Variants in SLC75A1 observed in about 807,000 individuals in gnomAD.
SLC75A1 encodes the protein solute carrier family 75 member 1.
At chr4:2,932,082 C>T in the SLC75A1 span, 28 of 1,610,918 alleles carry the variant, frequency 1.7e-5, no homozygotes, top group African/African-American at 2.7e-5. Flanking sequence ...GAGCGACAGC[C>T]GAGAAGCGCA....
At chr4:2,930,580 T>C in the SLC75A1 span, 1 of 554,826 alleles carries the variant, frequency 1.8e-6, no homozygotes, top group East Asian at 3.1e-5. Flanking sequence ...AACAAACAGG[T>C]GCTTTATTTC....
the SLC75A1 span, chr4:2,931,423 C>G: frequency 6.4e-7 from 1 of 1,555,438 alleles, no homozygotes; most frequent in Non-Finnish European, 8.7e-7. Context: ...AGAGAACGTC[C>G]CCAGCCGATG....
At chr4:2,931,121 C>A in the SLC75A1 span, 8 of 1,581,402 alleles carry the variant, frequency 5.1e-6, no homozygotes, top group Non-Finnish European at 6.9e-6. Context: ...CGCAGTGTAC[C>A]CATGACCGTG....
the SLC75A1 span, chr4:2,932,381 G>A: frequency 1.2e-6 from 2 of 1,613,492 alleles, no homozygotes; most frequent in Non-Finnish European, 8.5e-7. Flanking sequence ...TCTCTGGCAG[G>A]AAGCAGAAGA....
the SLC75A1 span, chr4:2,933,855 G>A: frequency 8.2e-6 from 13 of 1,586,904 alleles, no homozygotes; most frequent in Non-Finnish European, 1.1e-5. Flanking sequence ...CGGTGACCAC[G>A]CGGCGCTCCG....
chr4:2,931,732 G>A, the SLC75A1 span: 1 of 1,543,960 alleles, frequency 6.5e-7, no homozygotes, highest in Non-Finnish European at 8.8e-7. Flanking sequence ...GGGCGAGAGT[G>A]GCTGCCAAGG....
chr4:2,930,860 G>A, the SLC75A1 span: 1 of 1,613,120 alleles, frequency 6.2e-7, no homozygotes, highest in Non-Finnish European at 8.5e-7. Context: ...GAGCGTCTGT[G>A]CCGGGTAACT....
the SLC75A1 span, chr4:2,934,181 C>A: frequency 1.8e-6 from 1 of 548,792 alleles, no homozygotes. Context: ...TCCTGAGAGA[C>A]CAGGGTGAGC....
chr4:2,934,266 A>T, the SLC75A1 span: 1 of 298,720 alleles, frequency 3.3e-6, no homozygotes, highest in South Asian at 4.9e-5. Flanking sequence ...GAAAACTTGA[A>T]GCCGCGGGGA....
At chr4:2,931,095 C>A in the SLC75A1 span, 5 of 1,595,444 alleles carry the variant, frequency 3.1e-6, no homozygotes, top group Non-Finnish European at 4.3e-6. Context: ...CGGCCCTGGC[C>A]AGAGCACCTA....
At chr4:2,933,696 G>A in the SLC75A1 span, 1 of 1,611,896 alleles carries the variant, frequency 6.2e-7, no homozygotes, top group Non-Finnish European at 8.5e-7. Context: ...AAGGGCTGGG[G>A]AGGTCTGATG....
At chr4:2,933,268 G>A in the SLC75A1 span, 1 of 1,496,250 alleles carries the variant, frequency 6.7e-7, no homozygotes, top group Non-Finnish European at 9.2e-7. Context: ...TGGTCTTGGG[G>A]CCCTCAAGGC....
chr4:2,933,004 A>G, the SLC75A1 span: 5 of 1,199,552 alleles, frequency 4.2e-6, no homozygotes, highest in South Asian at 1.4e-5. Flanking sequence ...ACCAGTGGCC[A>G]TGAGGGGCCC....
chr4:2,931,321 C>T, the SLC75A1 span: 3 of 1,545,150 alleles, frequency 1.9e-6, no homozygotes, highest in Non-Finnish European at 2.6e-6. Flanking sequence ...GGGGAGGGTG[C>T]ATCACCCAGC....
At chr4:2,930,958 G>A in the SLC75A1 span, 289 of 1,613,036 alleles carry the variant, frequency 1.8e-4, 1 homozygote, top group Middle Eastern at 1.8e-3. Context: ...AGTACACTGC[G>A]GAGAGACGGT....
the SLC75A1 span, chr4:2,933,324 A>G: frequency 2.7e-6 from 3 of 1,095,450 alleles, no homozygotes; most frequent in Non-Finnish European, 1.3e-6. Flanking sequence ...TGGGCCCTAC[A>G]CTCACAGGCC....
chr4:2,933,524 T>A, the SLC75A1 span: 1,278,597 of 1,599,002 alleles, frequency 0.8, 513,615 homozygotes, highest in Middle Eastern at 0.85. Context: ...CCACCAAACA[T>A]AGGACCGTAG....
At chr4:2,932,141 C>G in the SLC75A1 span, 2 of 1,606,636 alleles carry the variant, frequency 1.2e-6, no homozygotes, top group Non-Finnish European at 1.7e-6. Context: ...AACCCCAGGG[C>G]GATAGAGGGC....
At chr4:2,932,092 A>G in the SLC75A1 span, 1 of 1,610,510 alleles carries the variant, frequency 6.2e-7, no homozygotes, top group Non-Finnish European at 8.5e-7. Context: ...CGAGAAGCGC[A>G]GCAGGGCCAG....
Sources: allele counts gnomAD v4.1 joint callset, GRCh38; gene constraint gnomAD v4.1.1; transcripts MANE v1.5; gene names NCBI Gene and HGNC (gene_info 2026-07-23, HGNC 2026-07-21).